Variants in GRK7 observed in about 807,000 individuals in gnomAD.
GRK7 encodes G protein-coupled receptor kinase 7, also known as rhodopsin kinase GRK7.
Under a neutral mutation model 34.1 loss-of-function variants are expected in GRK7, and 24 were observed. That is an observed-to-expected ratio of 0.70 (90% CI 0.51 to 0.99). The LOEUF (loss-of-function observed/expected upper bound fraction) is 0.99, where lower values mean the gene tolerates loss of function less well. GRK7 is among the 50% of genes least tolerant of loss of function. The pLI is 0.00. For synonymous variants in GRK7, 256 were observed against 279.4 expected, an observed-to-expected ratio of 0.92 and a Z score of 0.84; for missense variants, 644 against 707.3, an observed-to-expected ratio of 0.91 and a Z score of 1.02.
intron 4 of GRK7, among the ~76,000 whole-genome samples, chr3:141,802,538 A>G (rs1710981443): frequency 6.6e-6 from 1 of 152,112 alleles, no homozygotes; most frequent in African/African-American, 2.4e-5. Flanking sequence ...ATTTCATCAT[A>G]TTGGTGTACT....
chr3:141,781,515 C>T (rs2084672324), intron 4 of GRK7, among the ~76,000 whole-genome samples: 1 of 143,796 alleles, frequency 7.0e-6, no homozygotes, highest in Non-Finnish European at 1.5e-5. Context: ...CCAGCCTGCT[C>T]GACAGAGCAA....
At chr3:141,752,056 A>G in the GRK7 span, among the ~76,000 whole-genome samples, 4 of 152,234 alleles carry the variant, frequency 2.6e-5, no homozygotes, top group African/African-American at 9.6e-5. Flanking sequence ...AACAAAAAGG[A>G]AAGTAGTATA....
At chr3:141,779,951 G>A (rs971648891) in intron 3 of GRK7, among the ~76,000 whole-genome samples, 1 of 152,126 alleles carries the variant, frequency 6.6e-6, no homozygotes, top group Non-Finnish European at 1.5e-5. Context: ...TCACCTTTTG[G>A]CTATTGTGTA....
intron 4 of GRK7, among the ~76,000 whole-genome samples, chr3:141,804,946 TAC>T (rs985966648): frequency 1.3e-5 from 2 of 148,976 alleles, no homozygotes; most frequent in African/African-American, 5.0e-5. Flanking sequence ...TACACTCACA[TAC>T]ACACATACAC....
rs1196710183 is a variant in GRK7 at position 141,786,558 on chromosome 3, A to C, written c.1050+5747A>C. On this transcript the variant is annotated intron_variant, in intron 4 of 5. Transcript: ENST00000682958. ...TTTGGGAGGCTGAGGCAGGCAGATCATGATGTCAGGAGATCAAGACCACGC... is the reference window on the plus strand; with the variant it reads ...TTTGGGAGGCTGAGGCAGGCAGATCCTGATGTCAGGAGATCAAGACCACGC... Among the ~76,000 whole-genome samples, 2 of 152,086 alleles carry C rather than the reference A, an allele frequency of 1.3e-5. 1 individual carries two copies. Among genetic ancestry groups the C allele is most frequent in the Middle Eastern group, 6.3e-3 (2 of 316 alleles).
At chr3:141,808,010 A>ATTTT in intron 5 of GRK7, 91 bp downstream of exon 5, 1 of 1,157,002 alleles carries the variant, frequency 8.6e-7, no homozygotes. Context: ...AAGTCTTGGA[A>ATTTT]TTAAGTATTA....
At chr3:141,794,521 C>T (rs549087742) in intron 4 of GRK7, among the ~76,000 whole-genome samples, 6 of 152,226 alleles carry the variant, frequency 3.9e-5, no homozygotes, top group South Asian at 2.1e-4. Context: ...AGGGGCCAGA[C>T]GGAACCTGGC....
chr3:141,784,088 G>A (rs911116563), intron 4 of GRK7, among the ~76,000 whole-genome samples: 2 of 152,176 alleles, frequency 1.3e-5, no homozygotes, highest in Admixed American at 6.5e-5. Context: ...TGGAGGCTTA[G>A]GGGACACATA....
intron 4 of GRK7, among the ~76,000 whole-genome samples, chr3:141,783,269 T>G (rs2084680260): frequency 6.6e-6 from 1 of 152,206 alleles, no homozygotes; most frequent in Non-Finnish European, 1.5e-5. Context: ...AATGACATTC[T>G]TGAAAATTCT....
At chr3:141,760,778 G>A (rs202107100), upstream of GRK7, among the ~76,000 whole-genome samples, 62 of 131,034 alleles carry the variant, frequency 4.7e-4, no homozygotes, top group Non-Finnish European at 7.1e-4. Flanking sequence ...CTCAGGACTT[G>A]CTTTATGAAT....
chr3:141,776,281 C>T (rs2084638257), intron 2 of GRK7, among the ~76,000 whole-genome samples: 1 of 62,220 alleles, frequency 1.6e-5, no homozygotes, highest in African/African-American at 1.1e-4. Flanking sequence ...AGCGAGACTC[C>T]GTCTCAAAAT....
chr3:141,797,300 G>A (rs1710897278), intron 4 of GRK7, among the ~76,000 whole-genome samples: 1 of 152,176 alleles, frequency 6.6e-6, no homozygotes, highest in Non-Finnish European at 1.5e-5. Context: ...CGGCCTCCGC[G>A]CGACACTGCG....
At chr3:141,790,305 T>C (rs2084718255) in intron 4 of GRK7, among the ~76,000 whole-genome samples, 1 of 151,868 alleles carries the variant, frequency 6.6e-6, no homozygotes, top group Non-Finnish European at 1.5e-5. Flanking sequence ...GCCAGCATTA[T>C]GGTTTTTAAT....
intron 1 of GRK7, among the ~76,000 whole-genome samples, chr3:141,774,284 T>TG (rs1272303017): frequency 6.6e-6 from 1 of 151,894 alleles, no homozygotes; most frequent in Non-Finnish European, 1.5e-5. Context: ...TAGCCAGGTG[T>TG]GATGGTGCAC....
chr3:141,801,827 G>A (rs1031745938), intron 4 of GRK7, among the ~76,000 whole-genome samples: 4 of 152,090 alleles, frequency 2.6e-5, no homozygotes, highest in East Asian at 1.9e-4. Context: ...GAAGCCAGGT[G>A]AAGACTACTT....
the GRK7 span, among the ~76,000 whole-genome samples, chr3:141,755,679 A>C: frequency 6.6e-6 from 1 of 152,192 alleles, no homozygotes; most frequent in Non-Finnish European, 1.5e-5. Context: ...TAGACTGATA[A>C]CACTAAGTCT....
intron 4 of GRK7, among the ~76,000 whole-genome samples, chr3:141,800,098 A>C (rs1169010615): frequency 1.3e-5 from 2 of 152,176 alleles, no homozygotes; most frequent in Non-Finnish European, 2.9e-5. Context: ...CTGCCACCCC[A>C]GCAGAGTCAT....
intron 1 of GRK7, among the ~76,000 whole-genome samples, chr3:141,768,767 G>A (rs1272777140): frequency 1.3e-5 from 2 of 152,064 alleles, no homozygotes; most frequent in African/African-American, 2.4e-5. Flanking sequence ...TACTCCAGGA[G>A]CCAGTGGTTT....
rs186188558 is a variant in GRK7, at chr3:141,778,202, G to A, written c.-83G>A. The A allele has an allele frequency of 4.0e-6, 6 of 1,490,760 alleles. No individual in the cohort carries two copies. Among genetic ancestry groups the A allele is most frequent in the Middle Eastern group, 2.4e-4 (1 of 4,138 alleles). The allele number at this position is 1,490,760 out of a possible 1,614,324, so 92.3% of individuals were successfully genotyped here. ...AGGACTCACTGTAAATCCCTTGGACGTTGTCTCACCCGGGAAGGGAAAGCA... is the reference window on the plus strand; with the variant it reads ...AGGACTCACTGTAAATCCCTTGGACATTGTCTCACCCGGGAAGGGAAAGCA... On this transcript the variant is annotated 5_prime_UTR_variant, in exon 3 of 6. Coordinates refer to ENST00000682958, the MANE Select transcript of GRK7 (RefSeq NM_139209.3). The surrounding 1 kb of genome is among the most constrained non-coding windows in gnomAD (Gnocchi z 4.1).
Sources: allele counts gnomAD v4.1 joint callset (sites outside exome capture counted in the v4.1 genomes callset), GRCh38; gene constraint gnomAD v4.1.1; non-coding constraint Gnocchi (gnomAD v3.1); transcripts MANE v1.5; gene names NCBI Gene and HGNC (gene_info 2026-07-23, HGNC 2026-07-21).